ANKRD52: variants seen among roughly 807,000 people sequenced by gnomAD.
ANKRD52 encodes serine/threonine-protein phosphatase 6 regulatory ankyrin repeat subunit C.
Under a neutral mutation model 116.0 loss-of-function variants are expected in ANKRD52, and 7 were observed. The observed-to-expected ratio is 0.06, with a 90% confidence interval of 0.03 to 0.11. The LOEUF (loss-of-function observed/expected upper bound fraction) is 0.11. Among genes scored for constraint, ANKRD52 ranks in the 10% least tolerant of loss-of-function variants. The pLI, the probability that ANKRD52 is intolerant of heterozygous loss-of-function variation, is 1.00. For synonymous variants in ANKRD52, 528 were observed against 578.1 expected, an observed-to-expected ratio of 0.91 and a Z score of 1.24; for missense variants, 839 against 1,408.6, an observed-to-expected ratio of 0.60 and a Z score of 6.47.
In ANKRD52 at chr12:56,248,762, T is replaced by C; in HGVS notation, c.1701A>G (p.Glu567=). Residue 567 remains glutamate, a synonymous_variant, in exon 16 of 28, where the codon GAA becomes GAG. Transcript: ENST00000267116. The surrounding 1 kb of genome is among the most constrained non-coding windows in gnomAD (Gnocchi z 5.1). The stretch of plus-strand genomic sequence containing the variant: ...CAGGCCGGGCCCCAACACATACCAG[T>C]TCGAGGTTCTGTCTGTTGCCATAGG... ...AAAYGNRQNL[E]LLLEMSFNCL... 1.2e-6 allele frequency: 2 copies of C among 1,608,432 alleles called. No homozygotes were observed. Among genetic ancestry groups the C allele is most frequent in the Non-Finnish European group, 1.7e-6 (2 of 1,176,794 alleles).
In ANKRD52 at chr12:56,248,248, G is replaced by A. The variant is rs1871513623; in HGVS notation, c.1777-24C>T. 8 of 1,611,650 alleles carry A rather than the reference G, an allele frequency of 5.0e-6. No individual in the cohort carries two copies. The highest frequency in any genetic ancestry group is 6.8e-6 in the Non-Finnish European group (8 of 1,178,946). ...GCCTGGCAAGGTGCAGGCAACCAGT[G>A]CACACAGCTCGGGACCTTCCCTGCT... On this transcript the variant is annotated intron_variant, in intron 17 of 27. Transcript: ENST00000267116. The surrounding 1 kb of genome is among the most constrained non-coding windows in gnomAD (Gnocchi z 5.1).
In ANKRD52 at chr12:56,253,879, G is replaced by T; in HGVS notation, c.907-79C>A. 6.7e-7 allele frequency: 1 copy of T among 1,492,252 alleles called. No homozygotes were observed. Among genetic ancestry groups the T allele is most frequent in the Non-Finnish European group, 9.3e-7 (1 of 1,075,486 alleles). 92.4% of individuals were successfully genotyped at this position (1,492,252 alleles called of 1,614,324 possible). A position where few individuals can be genotyped will look rare whatever the true frequency, so the allele number is the denominator to read the frequency against. The stretch of plus-strand genomic sequence containing the variant: ...AGAGAATGCCCTACCTCCCTTCCAA[G>T]GACATATCTCTAAGGACAAAAGGGT... On this transcript the variant is annotated intron_variant, in intron 8 of 27. Transcript: ENST00000267116. This position sits in a 1 kb window ranked among gnomAD's most constrained non-coding sequence, Gnocchi z 5.5.
At position 56,255,695 on chromosome 12, in the gene ANKRD52, A is replaced by G; in HGVS notation, c.462+89T>C. On this transcript the variant is annotated intron_variant, in intron 5 of 27. Coordinates refer to ENST00000267116, the MANE Select transcript of ANKRD52 (RefSeq NM_173595.4). This position sits in a 1 kb window ranked among gnomAD's most constrained non-coding sequence, Gnocchi z 4.3. ...TAACCATCCGGGCTGCTTCTCCTTCAGGCTTGAGGGCCCAGAAGCAGGGAA... is the reference window on the plus strand; with the variant it reads ...TAACCATCCGGGCTGCTTCTCCTTCGGGCTTGAGGGCCCAGAAGCAGGGAA... The G allele has an allele frequency of 7.7e-7, 1 of 1,291,430 alleles. No individual in the cohort carries two copies. Among genetic ancestry groups the G allele is most frequent in the Non-Finnish European group, 1.1e-6 (1 of 933,718 alleles). 80.0% of individuals were successfully genotyped at this position (1,291,430 alleles called of 1,614,324 possible). A position where few individuals can be genotyped will look rare whatever the true frequency, so the allele number is the denominator to read the frequency against.
chr12:56,255,701 G>C lies in ANKRD52; in HGVS notation c.462+83C>G, dbSNP rs140053269. On this transcript the variant is annotated intron_variant, in intron 5 of 27. Coordinates refer to ENST00000267116, the MANE Select transcript of ANKRD52 (RefSeq NM_173595.4). This position sits in a 1 kb window ranked among gnomAD's most constrained non-coding sequence, Gnocchi z 4.3. ...TCCGGGCTGCTTCTCCTTCAGGCTT[G>C]AGGGCCCAGAAGCAGGGAAACGTGA... The C allele has an allele frequency of 8.3e-4, 1,123 of 1,353,550 alleles. 7 individuals are homozygous for C. The African/African-American group carries it at 9.9e-3, about 12-fold the overall frequency. The allele number at this position is 1,353,550 out of a possible 1,614,324, so 83.8% of individuals were successfully genotyped here.
rs533770580 is a variant in ANKRD52, at chr12:56,243,652, G to C, written c.2980+133C>G. The C allele has an allele frequency of 2.7e-4, 280 of 1,055,168 alleles. No homozygotes were observed. The highest frequency in any genetic ancestry group is 3.5e-4 in the Non-Finnish European group (257 of 728,628). 65.4% of individuals were successfully genotyped at this position (1,055,168 alleles called of 1,614,324 possible). A position where few individuals can be genotyped will look rare whatever the true frequency, so the allele number is the denominator to read the frequency against. On this transcript the variant is annotated intron_variant, in intron 27 of 27. Coordinates refer to ENST00000267116, the MANE Select transcript of ANKRD52 (RefSeq NM_173595.4). The surrounding 1 kb of genome is among the most constrained non-coding windows in gnomAD (Gnocchi z 4.6). ...CTCCCCTCTGAGACTCCAGAGTACT[G>C]GTGTGGGCTCCCTGCTCTGAAGAGT...
Position 56,244,851 on chromosome 12 carries a change from C to T in ANKRD52, c.2577-54G>A. ...AATAGGGAAGAGTATACTGCCCAAG[C>T]AGAAAGGGGAAGCCAGAGGCAACTG... is the stretch of plus-strand genomic sequence containing the variant. On this transcript the variant is annotated intron_variant, in intron 23 of 27. Transcript: ENST00000267116. The surrounding 1 kb of genome is among the most constrained non-coding windows in gnomAD (Gnocchi z 4.9). 1 of 1,613,894 alleles carries T rather than the reference C, an allele frequency of 6.2e-7. No individual in the cohort carries two copies. The highest frequency in any genetic ancestry group is 2.2e-5 in the East Asian group (1 of 44,882).
rs540619414 is a variant in ANKRD52 at position 56,244,288 on chromosome 12, G to A, written c.2805+65C>T. 6.3e-6 allele frequency: 10 copies of A among 1,580,390 alleles called. No homozygotes were observed. In the East Asian group the frequency reaches 1.1e-4, roughly 18 times the overall value. On this transcript the variant is annotated intron_variant, in intron 25 of 27. Transcript: ENST00000267116. The surrounding 1 kb of genome is among the most constrained non-coding windows in gnomAD (Gnocchi z 4.9). Reference sequence around the variant, plus strand: ...TTCTGCCCCAGTCCCCTCTGCAACCGAGACTTACCTCTCTTCATCAAGCTC... The same window carrying A: ...TTCTGCCCCAGTCCCCTCTGCAACCAAGACTTACCTCTCTTCATCAAGCTC...
In ANKRD52 at chr12:56,243,605, G is replaced by A. The variant is rs112111543; in HGVS notation, c.2980+180C>T. Among the ~76,000 whole-genome samples the A allele has an allele frequency of 3.3e-5, 5 of 152,304 alleles. No individual in the cohort carries two copies. The highest frequency in any genetic ancestry group is 7.2e-5 in the African/African-American group (3 of 41,568). ...GCATGGGAGTCAAAGCCTAGGGTGT[G>A]GAGTCCTCCTGACCCTGCAGGCTCC... On this transcript the variant is annotated intron_variant, in intron 27 of 27. Coordinates refer to ENST00000267116, the MANE Select transcript of ANKRD52 (RefSeq NM_173595.4). This position sits in a 1 kb window ranked among gnomAD's most constrained non-coding sequence, Gnocchi z 4.6.
At position 56,252,195 on chromosome 12, in the gene ANKRD52, G is replaced by A. The variant is rs368793620; in HGVS notation, c.1491C>T (p.Ala497=). ...CKGCSPLHYA[A]ASDTYRRAEP... ...CTCACCTCCTGTAAGTGTCAGAAGC[G>A]GCAGCGTAGTGGAGGGGAGAGCAGC... Residue 497 remains alanine (A), a synonymous_variant, in exon 14 of 28, where the codon GCC becomes GCT. Transcript: ENST00000267116. The surrounding 1 kb of genome is among the most constrained non-coding windows in gnomAD (Gnocchi z 4.7). 20 of 1,613,846 alleles carry A rather than the reference G, an allele frequency of 1.2e-5. No individual in the cohort carries two copies. The East Asian group carries it at 3.3e-4, about 27-fold the overall frequency.
rs537680968 is a variant in ANKRD52 at position 56,251,129 on chromosome 12, C to T, written c.1592+886G>A. Among the ~76,000 whole-genome samples the T allele has an allele frequency of 2.3e-4, 35 of 151,992 alleles. No homozygotes were observed. In the East Asian group the frequency reaches 5.8e-3, roughly 25 times the overall value. Reference sequence around the variant, plus strand: ...CTAATTTTTATATTTTTAGTAGAGACGGGGTTTCACCACGTTGGCCAGGCT... The same window carrying T: ...CTAATTTTTATATTTTTAGTAGAGATGGGGTTTCACCACGTTGGCCAGGCT... On this transcript the variant is annotated intron_variant, in intron 15 of 27. Coordinates refer to ENST00000267116, the MANE Select transcript of ANKRD52 (RefSeq NM_173595.4).
Position 56,244,019 on chromosome 12 carries a change from C to A in ANKRD52, c.2888+32G>T. The stretch of plus-strand genomic sequence containing the variant: ...CTCTTTCATCACCCACTGGCCTCCC[C>A]CAGCCAGGAGCCCCCTTCCCCAGGC... On this transcript the variant is annotated intron_variant, in intron 26 of 27. Coordinates refer to ENST00000267116, the MANE Select transcript of ANKRD52 (RefSeq NM_173595.4). This position sits in a 1 kb window ranked among gnomAD's most constrained non-coding sequence, Gnocchi z 4.9. The A allele has an allele frequency of 6.2e-7, 1 of 1,612,044 alleles. No homozygotes were observed. Among genetic ancestry groups the A allele is most frequent in the Non-Finnish European group, 8.5e-7 (1 of 1,178,752 alleles).
rs1871558096 is a variant in ANKRD52 at position 56,248,993 on chromosome 12, C to A, written c.1593-123G>T. 3.2e-6 allele frequency: 2 copies of A among 626,010 alleles called. No homozygotes were observed. The highest frequency in any genetic ancestry group is 5.5e-6 in the Non-Finnish European group (2 of 362,564). 38.8% of individuals were successfully genotyped at this position (626,010 alleles called of 1,614,324 possible). ...CTACCTGGCCGCCACCCGTCCTCAG[C>A]TCTAGGTAGGTTCTCTAAATCCTAC... On this transcript the variant is annotated intron_variant, in intron 15 of 27. Transcript: ENST00000267116. This position sits in a 1 kb window ranked among gnomAD's most constrained non-coding sequence, Gnocchi z 5.1.
Position 56,241,697 on chromosome 12 carries a change from A to G in ANKRD52, c.*1445T>C, listed in dbSNP as rs565527860. ...CTGGCTGAGGTATTGAGTGTGAGGA[A>G]GGGAACACTGGGCTGCAGGAGTGGG... is the stretch of plus-strand genomic sequence containing the variant. On this transcript the variant is annotated 3_prime_UTR_variant, in exon 28 of 28. Transcript: ENST00000267116. 30 of 308,800 alleles carry G rather than the reference A, an allele frequency of 9.7e-5. 1 individual carries two copies. The South Asian group carries it at 3.4e-3, about 35-fold the overall frequency. The allele number at this position is 308,800 out of a possible 1,614,324, so 19.1% of individuals were successfully genotyped here.
At position 56,244,569 on chromosome 12, in the gene ANKRD52, C is replaced by T. The variant is rs1871308973; in HGVS notation, c.2722+83G>A. ...CCTCTTGCTTTCTGAACCCCAGCCC[C>T]AGCCAGCCTCCACAGGCAGGGCTGA... On this transcript the variant is annotated intron_variant, in intron 24 of 27. Transcript: ENST00000267116. The surrounding 1 kb of genome is among the most constrained non-coding windows in gnomAD (Gnocchi z 4.9). 3 of 1,602,884 alleles carry T rather than the reference C, an allele frequency of 1.9e-6. No individual in the cohort carries two copies. Among genetic ancestry groups the T allele is most frequent in the Non-Finnish European group, 2.6e-6 (3 of 1,174,010 alleles).
Position 56,248,193 on chromosome 12 carries a change from G to A in ANKRD52, c.1808C>T (p.Thr603Met), listed in dbSNP as rs746374595. The A allele has an allele frequency of 5.2e-5, 84 of 1,613,752 alleles. 1 individual carries two copies. The highest frequency in any genetic ancestry group is 3.0e-4 in the Admixed American group (18 of 60,004). Residue 603 changes from threonine (T) to methionine (M), a missense_variant, in exon 18 of 28, where the codon ACG becomes ATG. Physicochemically the swap from Thr to Met is moderately conservative, Grantham distance 81. This residue lies in a region of ANKRD52 where 552 missense variants were observed against 810.6 expected (regional missense o/e 0.68). Transcript: ENST00000267116. The surrounding 1 kb of genome is among the most constrained non-coding windows in gnomAD (Gnocchi z 5.1). ...CAGATTCACCAGCGTCTCCGCCAGCGTCTTCAAGGCTTCACAGTGACCGTT... is the reference window on the plus strand; with the variant it reads ...CAGATTCACCAGCGTCTCCGCCAGCATCTTCAAGGCTTCACAGTGACCGTT... ...AYNGHCEALK[T>M]LAETLVNLDV...
At position 56,244,190 on chromosome 12, in the gene ANKRD52, G is replaced by C; in HGVS notation, c.2806-57C>G. 6.3e-7 allele frequency: 1 copy of C among 1,593,054 alleles called. No homozygotes were observed. On this transcript the variant is annotated intron_variant, in intron 25 of 27. Transcript: ENST00000267116. This position sits in a 1 kb window ranked among gnomAD's most constrained non-coding sequence, Gnocchi z 4.9. The stretch of plus-strand genomic sequence containing the variant: ...TGAAGTAGAAATGTGGCAGGGTGCA[G>C]GGCAGGAGTTGGGGAGAGTAACAGG...
chr12:56,253,622 G>T lies in ANKRD52; in HGVS notation c.985+100C>A. On this transcript the variant is annotated intron_variant, in intron 9 of 27. Transcript: ENST00000267116. This position sits in a 1 kb window ranked among gnomAD's most constrained non-coding sequence, Gnocchi z 5.5. ...AGAGTTCCAAGGGCCTATCCTACTG[G>T]AAGAGGGCAGGAGAAGGAAGTTAGG... 7.5e-7 allele frequency: 1 copy of T among 1,328,804 alleles called. No homozygotes were observed. Among genetic ancestry groups the T allele is most frequent in the Non-Finnish European group, 1.1e-6 (1 of 943,404 alleles). 82.3% of individuals were successfully genotyped at this position (1,328,804 alleles called of 1,614,324 possible). A position where few individuals can be genotyped will look rare whatever the true frequency, so the allele number is the denominator to read the frequency against.
intron 20 of ANKRD52, among the ~76,000 whole-genome samples, chr12:56,246,437 T>TA (rs1456285758): frequency 1.3e-5 from 2 of 152,178 alleles, no homozygotes; most frequent in Non-Finnish European, 2.9e-5. Flanking sequence ...GCTCTGGAGT[T>TA]AATACTGGAA....
rs1284505447 is a variant in ANKRD52, at chr12:56,252,683, T to C, written c.1301+97A>G. ...CCCTTTCTGCTGTGACTGCTTTCATTGTGAGAGGGGGAATAGATCTGGGCA... is the reference window on the plus strand; with the variant it reads ...CCCTTTCTGCTGTGACTGCTTTCATCGTGAGAGGGGGAATAGATCTGGGCA... On this transcript the variant is annotated intron_variant, in intron 12 of 27. Transcript: ENST00000267116. This position sits in a 1 kb window ranked among gnomAD's most constrained non-coding sequence, Gnocchi z 4.7. 5.9e-6 allele frequency: 9 copies of C among 1,537,682 alleles called. No homozygotes were observed. The East Asian group carries it at 1.8e-4, about 31-fold the overall frequency.
Sources: allele counts gnomAD v4.1 joint callset (sites outside exome capture counted in the v4.1 genomes callset), GRCh38; gene constraint gnomAD v4.1.1; regional missense constraint gnomAD v4.1.1; non-coding constraint Gnocchi (gnomAD v3.1); transcripts MANE v1.5; gene names NCBI Gene and HGNC (gene_info 2026-07-23, HGNC 2026-07-21).